Variants in SLC71A2 observed in about 807,000 individuals in gnomAD.
SLC71A2 encodes solute carrier family 71 member 2.
At chr9:94,378,637 G>T in the SLC71A2 span, among the ~76,000 whole-genome samples, 1 of 152,050 alleles carries the variant, frequency 6.6e-6, no homozygotes. Context: ...ATCAGATCTT[G>T]TGGTAACTAA....
chr9:94,387,570 G>A, the SLC71A2 span, among the ~76,000 whole-genome samples: 1 of 152,180 alleles, frequency 6.6e-6, no homozygotes, highest in Non-Finnish European at 1.5e-5. Context: ...AGAAACATCA[G>A]TGCATGGAGA....
At chr9:94,454,850 T>G in the SLC71A2 span, among the ~76,000 whole-genome samples, 1 of 152,160 alleles carries the variant, frequency 6.6e-6, no homozygotes, top group African/African-American at 2.4e-5. Flanking sequence ...GCCGCAGTTA[T>G]TACTACCATA....
At chr9:94,379,719 G>T in the SLC71A2 span, among the ~76,000 whole-genome samples, 1 of 152,044 alleles carries the variant, frequency 6.6e-6, no homozygotes, top group African/African-American at 2.4e-5. Flanking sequence ...CTTGTGCTTT[G>T]TCTTTCAAAA....
the SLC71A2 span, among the ~76,000 whole-genome samples, chr9:94,386,317 G>A: frequency 1.3e-5 from 2 of 149,046 alleles, no homozygotes; most frequent in Admixed American, 6.8e-5. Context: ...ATCTTATTAG[G>A]CACATTTGGA....
the SLC71A2 span, among the ~76,000 whole-genome samples, chr9:94,413,156 G>T: frequency 6.6e-6 from 1 of 151,298 alleles, no homozygotes; most frequent in African/African-American, 2.4e-5. Context: ...AAAGTCTTGG[G>T]AACTGACTTA....
At chr9:94,449,532 A>G in the SLC71A2 span, among the ~76,000 whole-genome samples, 1 of 152,258 alleles carries the variant, frequency 6.6e-6, no homozygotes, top group South Asian at 2.1e-4. Context: ...AGTCACACCA[A>G]CAATGAGATA....
the SLC71A2 span, chr9:94,460,019 C>G: frequency 1.3e-5 from 2 of 152,606 alleles, no homozygotes; most frequent in Non-Finnish European, 2.9e-5. Flanking sequence ...ATATACACTT[C>G]TGGACATAAT....
chr9:94,396,449 A>G, the SLC71A2 span, among the ~76,000 whole-genome samples: 1 of 152,220 alleles, frequency 6.6e-6, no homozygotes, highest in Non-Finnish European at 1.5e-5. Flanking sequence ...CAGGAGGCGG[A>G]GGTTGCAGTG....
At chr9:94,402,314 T>C in the SLC71A2 span, among the ~76,000 whole-genome samples, 1 of 152,298 alleles carries the variant, frequency 6.6e-6, no homozygotes, top group Admixed American at 6.5e-5. Flanking sequence ...AAAAAGAATC[T>C]CTGCTCTCTT....
the SLC71A2 span, among the ~76,000 whole-genome samples, chr9:94,416,181 A>G: frequency 2.6e-5 from 4 of 152,184 alleles, no homozygotes; most frequent in African/African-American, 7.2e-5. Context: ...AAAATATTTT[A>G]AACTGGAGTT....
the SLC71A2 span, among the ~76,000 whole-genome samples, chr9:94,434,909 A>C: frequency 6.6e-6 from 1 of 151,896 alleles, no homozygotes. Flanking sequence ...CAGCATCCAA[A>C]CTCTAACTAT....
chr9:94,383,139 A>G, the SLC71A2 span, among the ~76,000 whole-genome samples: 4 of 143,532 alleles, frequency 2.8e-5, no homozygotes, highest in East Asian at 6.1e-4. Flanking sequence ...ATATGTTTTT[A>G]TTCATTGAAT....
chr9:94,383,077 A>G, the SLC71A2 span, among the ~76,000 whole-genome samples: 1 of 152,102 alleles, frequency 6.6e-6, no homozygotes, highest in South Asian at 2.1e-4. Context: ...TATATGGTGC[A>G]AAATAAGGAT....
chr9:94,439,010 G>A, the SLC71A2 span, among the ~76,000 whole-genome samples: 1 of 138,846 alleles, frequency 7.2e-6, no homozygotes, highest in Admixed American at 7.8e-5. Context: ...ATAATAATGT[G>A]AATTTGAGTT....
the SLC71A2 span, among the ~76,000 whole-genome samples, chr9:94,413,556 G>A: frequency 6.6e-6 from 1 of 151,180 alleles, no homozygotes; most frequent in Non-Finnish European, 1.5e-5. Flanking sequence ...TAAAAAGAAT[G>A]TGGGCCGGGT....
At chr9:94,378,751 T>TG in the SLC71A2 span, among the ~76,000 whole-genome samples, 1 of 152,032 alleles carries the variant, frequency 6.6e-6, no homozygotes, top group Non-Finnish European at 1.5e-5. Flanking sequence ...CCTCCAACAC[T>TG]GGGGGTCACA....
At chr9:94,410,132 G>T in the SLC71A2 span, among the ~76,000 whole-genome samples, 1 of 151,450 alleles carries the variant, frequency 6.6e-6, no homozygotes, top group Admixed American at 6.6e-5. Flanking sequence ...GTCTCACTTT[G>T]TGGCCCAGGC....
At chr9:94,433,491 C>T in the SLC71A2 span, among the ~76,000 whole-genome samples, 1,140 of 150,970 alleles carry the variant, frequency 7.6e-3, 18 homozygotes, top group African/African-American at 0.027. Flanking sequence ...TGACCAACAT[C>T]GAGAAACCCT....
the SLC71A2 span, among the ~76,000 whole-genome samples, chr9:94,408,970 G>A: frequency 6.6e-6 from 1 of 151,134 alleles, no homozygotes; most frequent in Admixed American, 6.6e-5. Flanking sequence ...GGGACTACAG[G>A]CATCCGCCAC....
Sources: gnomAD v4.1 joint callset for allele counts (sites outside exome capture counted in the v4.1 genomes callset) on GRCh38, gnomAD v4.1.1 for gene constraint, MANE v1.5 for transcripts, NCBI Gene and HGNC (gene_info 2026-07-23, HGNC 2026-07-21) for gene names.